DDR2: variants seen among roughly 807,000 people sequenced by gnomAD.
DDR2 encodes the protein discoidin domain receptor tyrosine kinase 2.
In DDR2, 27 loss-of-function variants were observed where a neutral mutation model predicts 94.9. The observed-to-expected ratio is 0.28, with a 90% CI of 0.21 to 0.39. The LOEUF (loss-of-function observed/expected upper bound fraction) is 0.39. DDR2 is among the 10% of genes least tolerant of loss of function. DDR2 has a pLI of 1.00. For synonymous variants in DDR2, 382 were observed against 377.2 expected, an observed-to-expected ratio of 1.01 and a Z score of -0.15; for missense variants, 783 against 1,076.0, an observed-to-expected ratio of 0.73 and a Z score of 3.81.
Position 162,717,787 on chromosome 1 carries a change from A to C in DDR2, c.-27-1250A>C, listed in dbSNP as rs149069346. Among the ~76,000 whole-genome samples the C allele has an allele frequency of 1.2e-3, 176 of 152,306 alleles. 1 individual carries two copies. Among genetic ancestry groups the C allele is most frequent in the Non-Finnish European group, 4.6e-4 (31 of 68,032 alleles). On this transcript the variant is annotated intron_variant, in intron 2 of 17. Coordinates refer to ENST00000367921, the MANE Select transcript of DDR2 (RefSeq NM_006182.4). ...TCATCACATCATATCAAGAACACAT[A>C]CTATCAATATGACTTATCAATGTTG...
chr1:162,668,988 G>C (rs533288834), intron 2 of DDR2, among the ~76,000 whole-genome samples: 6 of 152,278 alleles, frequency 3.9e-5, no homozygotes, highest in South Asian at 2.1e-4. Flanking sequence ...GGAGTCAGGG[G>C]CAGACTCCTG....
rs372517652 is a variant in DDR2 at position 162,655,148 on chromosome 1, A to G, written c.-191-63A>G. 12 of 152,298 alleles carry G rather than the reference A, an allele frequency of 7.9e-5. 1 individual carries two copies. The East Asian group carries it at 9.6e-4, about 12-fold the overall frequency. The allele number at this position is 152,298 out of a possible 1,614,324, so 9.4% of individuals were successfully genotyped here. On this transcript the variant is annotated intron_variant, in intron 1 of 17. Coordinates refer to ENST00000367921, the MANE Select transcript of DDR2 (RefSeq NM_006182.4). ...GCACGGCGCTGGACAGGAGTGCCAA[A>G]GAGGAAAGAAATGTGAATGGAACCA... is the stretch of plus-strand genomic sequence containing the variant.
At chr1:162,733,077 G>A (rs924539732) in intron 3 of DDR2, among the ~76,000 whole-genome samples, 4 of 152,204 alleles carry the variant, frequency 2.6e-5, no homozygotes, top group African/African-American at 9.7e-5. Context: ...TCAGAAAACC[G>A]CTAAGACAAC....
chr1:162,752,258 T>C (rs1038433643), intron 3 of DDR2, among the ~76,000 whole-genome samples: 1 of 152,230 alleles, frequency 6.6e-6, no homozygotes, highest in Non-Finnish European at 1.5e-5. Context: ...CTAGCTTCCT[T>C]TACTTCTCTG....
intron 2 of DDR2, among the ~76,000 whole-genome samples, chr1:162,693,756 T>A (rs574610205): frequency 6.6e-6 from 1 of 151,980 alleles, no homozygotes; most frequent in African/African-American, 2.4e-5. Context: ...CTGGATGAAG[T>A]GAGTAAGGGA....
At chr1:162,692,483 A>C (rs923656158) in intron 2 of DDR2, among the ~76,000 whole-genome samples, 1 of 152,212 alleles carries the variant, frequency 6.6e-6, no homozygotes, top group Non-Finnish European at 1.5e-5. Flanking sequence ...AAAAGACAAG[A>C]AAAGGGAAAA....
chr1:162,763,336 C>CTTTTTTTTTTTT (rs56323242), intron 9 of DDR2, among the ~76,000 whole-genome samples: 1 of 56,542 alleles, frequency 1.8e-5, no homozygotes, highest in African/African-American at 7.5e-5. Flanking sequence ...CCACGCCCGG[C>CTTTTTTTTTTTT]TTTTTTTTTT....
intron 3 of DDR2, among the ~76,000 whole-genome samples, chr1:162,744,436 G>T (rs1005300382): frequency 3.9e-5 from 6 of 152,114 alleles, no homozygotes; most frequent in Non-Finnish European, 5.9e-5. Context: ...ATTTCACTTA[G>T]AATTATTTCT....
chr1:162,759,910 G>A lies in DDR2; in HGVS notation c.786G>A (p.Glu262=), dbSNP rs752891309. Residue 262 remains glutamate, a synonymous_variant, in exon 8 of 18, where the codon GAG becomes GAA. Transcript: ENST00000367921. ...PGYDYVGWRN[E]SATNGYIEIM... is the part of the protein sequence containing the mutation. ...ATGACTATGTGGGCTGGCGGAACGA[G>A]AGTGCCACCAATGGCTACATTGAGA... 6 of 1,614,182 alleles carry A rather than the reference G, an allele frequency of 3.7e-6. No individual in the cohort carries two copies. The East Asian group carries it at 1.1e-4, about 30-fold the overall frequency.
In DDR2 at chr1:162,741,177, TATAATATAAC is replaced by T. The variant is rs774144772; in HGVS notation, c.83-11913_83-11904del. On this transcript the variant is annotated intron_variant, in intron 3 of 17. Coordinates refer to ENST00000367921, the MANE Select transcript of DDR2 (RefSeq NM_006182.4). The stretch of plus-strand genomic sequence containing the variant: ...GACTTTGGAATATAATATAATATAA[TATAATATAAC>T]ATAACATAATACAATACAATACAAT... Among the ~76,000 whole-genome samples, 202 of 137,468 alleles carry T rather than the reference TATAATATAAC, an allele frequency of 1.5e-3. 1 individual carries two copies. The highest frequency in any genetic ancestry group is 4.9e-3 in the African/African-American group (172 of 34,890). 90.2% of individuals were successfully genotyped at this position (137,468 alleles called of 152,430 possible).
chr1:162,681,927 G>A (rs1659426777), intron 2 of DDR2, among the ~76,000 whole-genome samples: 1 of 152,178 alleles, frequency 6.6e-6, no homozygotes, highest in South Asian at 2.1e-4. Flanking sequence ...TCTCTGCTCT[G>A]ATTCATTGTA....
rs1339497531 is a variant in DDR2, at chr1:162,785,369, T to C, written c.*5123T>C. On this transcript the variant is annotated 3_prime_UTR_variant, in exon 18 of 18. Coordinates refer to ENST00000367921, the MANE Select transcript of DDR2 (RefSeq NM_006182.4). ...AGAATACAATGGTATAGACTCCTAA[T>C]GTTTGATAAAATACTATTTTCAGAG... is the stretch of plus-strand genomic sequence containing the variant. 6.6e-6 allele frequency: 1 copy of C among 152,248 alleles called. No homozygotes were observed. The highest frequency in any genetic ancestry group is 1.5e-5 in the Non-Finnish European group (1 of 68,050). 9.4% of individuals were successfully genotyped at this position (152,248 alleles called of 1,614,324 possible).
chr1:162,718,406 G>T lies in DDR2; in HGVS notation c.-27-631G>T, dbSNP rs547025190. On this transcript the variant is annotated intron_variant, in intron 2 of 17. Coordinates refer to ENST00000367921, the MANE Select transcript of DDR2 (RefSeq NM_006182.4). ...GGCCTTTTCAGCGGATGGAACATAT[G>T]TGTGTATACTAACCCAGGCATATAC... Among the ~76,000 whole-genome samples, 101 of 152,276 alleles carry T rather than the reference G, an allele frequency of 6.6e-4. 1 individual carries two copies. The highest frequency in any genetic ancestry group is 2.3e-3 in the African/African-American group (94 of 41,538).
At chr1:162,755,453 TA>T in intron 6 of DDR2, 150 bp downstream of exon 6, 1 of 1,204,826 alleles carries the variant, frequency 8.3e-7, no homozygotes, top group South Asian at 1.3e-5. Context: ...CATTGCTCAT[TA>T]ACCCAGGGCT....
chr1:162,645,599 T>C (rs2101895461), intron 1 of DDR2, among the ~76,000 whole-genome samples: 1 of 152,328 alleles, frequency 6.6e-6, no homozygotes, highest in Non-Finnish European at 1.5e-5. Context: ...CCTCAGGGTC[T>C]GGTCTATGTT....
intron 7 of DDR2, among the ~76,000 whole-genome samples, chr1:162,759,532 A>G (rs1663614414): frequency 6.6e-6 from 1 of 152,224 alleles, no homozygotes; most frequent in Non-Finnish European, 1.5e-5. Flanking sequence ...ATTAAATAAG[A>G]CATTGTTTAA....
intron 7 of DDR2, among the ~76,000 whole-genome samples, chr1:162,758,744 G>T (rs1293223750): frequency 2.6e-5 from 4 of 151,868 alleles, no homozygotes; most frequent in Non-Finnish European, 5.9e-5. Flanking sequence ...TATTTTTTGC[G>T]ATTCACAAAT....
intron 1 of DDR2, among the ~76,000 whole-genome samples, 176 bp from the exon 2 acceptor site, chr1:162,655,035 T>A (rs745512767): frequency 6.6e-6 from 1 of 152,174 alleles, no homozygotes; most frequent in Non-Finnish European, 1.5e-5. Flanking sequence ...TGGGCAAGTA[T>A]CAGTTTAGGT....
In DDR2 at chr1:162,786,710, G is replaced by A. The variant is rs552718986; in HGVS notation, c.*6464G>A. ...ATGTGGTATGGACACCTGTTTGTGG[G>A]GCTTTCCAGCAAAGGATTATTTAAA... On this transcript the variant is annotated 3_prime_UTR_variant, in exon 18 of 18. Coordinates refer to ENST00000367921, the MANE Select transcript of DDR2 (RefSeq NM_006182.4). 3.3e-5 allele frequency: 5 copies of A among 152,286 alleles called. No individual in the cohort carries two copies. The highest frequency in any genetic ancestry group is 2.6e-4 in the Admixed American group (4 of 15,290). 9.4% of individuals were successfully genotyped at this position (152,286 alleles called of 1,614,324 possible). A position where few individuals can be genotyped will look rare whatever the true frequency, so the allele number is the denominator to read the frequency against.
Sources: gnomAD v4.1 joint callset for allele counts (sites outside exome capture counted in the v4.1 genomes callset) on GRCh38, gnomAD v4.1.1 for gene constraint, MANE v1.5 for transcripts, NCBI Gene and HGNC (gene_info 2026-07-23, HGNC 2026-07-21) for gene names.